Variants in ZNF710 observed in about 807,000 individuals in gnomAD.
The protein encoded by ZNF710 is zinc finger protein 710.
A neutral mutation model predicts 50.6 loss-of-function variants in ZNF710; 13 were observed. The ratio of observed to expected loss-of-function variants is 0.26; its 90% CI spans 0.17 to 0.41. The LOEUF (loss-of-function observed/expected upper bound fraction) is 0.41, where lower values mean the gene tolerates loss of function less well. Ranked by LOEUF, ZNF710 falls within the 10% of genes least tolerant of loss-of-function variation. The pLI is 1.00. For missense variants in ZNF710, 721 were observed against 936.6 expected, an observed-to-expected ratio of 0.77 and a Z score of 3.01; for synonymous variants, 383 against 397.0, an observed-to-expected ratio of 0.96 and a Z score of 0.42.
At position 90,070,369 on chromosome 15, in the gene ZNF710, GA is replaced by G. The variant is rs894552649; in HGVS notation, c.1458+1785del. Among the ~76,000 whole-genome samples, 866 of 136,198 alleles carry G rather than the reference GA, an allele frequency of 6.4e-3. 9 individuals are homozygous for G. Among genetic ancestry groups the G allele is most frequent in the African/African-American group, 0.02 (745 of 36,486 alleles). 89.4% of individuals were successfully genotyped at this position (136,198 alleles called of 152,430 possible). ...TAGCAAGACATTTTTTTTTTTTTAA[GA>G]AAAAAAAAAAGGAAGAATTCTGGGC... is the stretch of plus-strand genomic sequence containing the variant. On this transcript the variant is annotated intron_variant, in intron 2 of 4. Coordinates refer to ENST00000268154, the MANE Select transcript of ZNF710 (RefSeq NM_198526.4).
intron 1 of ZNF710, chr15:90,045,355 A>T: frequency 1.0e-6 from 1 of 985,454 alleles, no homozygotes; most frequent in Non-Finnish European, 1.2e-6. Context: ...GGCTTCAAGG[A>T]CGTGAGCCAT....
intron 1 of ZNF710, among the ~76,000 whole-genome samples, chr15:90,042,531 C>G (rs151335302): frequency 6.6e-6 from 1 of 152,238 alleles, no homozygotes; most frequent in African/African-American, 2.4e-5. Flanking sequence ...TCTTCCTCCA[C>G]TCAGCCTCTC....
intron 1 of ZNF710, among the ~76,000 whole-genome samples, chr15:90,055,623 A>T (rs997499459): frequency 1.3e-5 from 2 of 152,238 alleles, no homozygotes; most frequent in Non-Finnish European, 2.9e-5. Flanking sequence ...TGCTAGGGCA[A>T]GGGACAGCTG....
chr15:90,069,805 C>T (rs975284211), intron 2 of ZNF710, among the ~76,000 whole-genome samples: 4 of 152,106 alleles, frequency 2.6e-5, no homozygotes, highest in Non-Finnish European at 5.9e-5. Context: ...AGCCTTGACC[C>T]GTACTCCCCT....
Position 90,059,363 on chromosome 15 carries a change from G to A in ZNF710, c.-28-7747G>A, listed in dbSNP as rs554658638. Among the ~76,000 whole-genome samples the A allele has an allele frequency of 1.3e-5, 2 of 152,232 alleles. No homozygotes were observed. Among genetic ancestry groups the A allele is most frequent in the Non-Finnish European group, 2.9e-5 (2 of 68,034 alleles). On this transcript the variant is annotated intron_variant, in intron 1 of 4. Transcript: ENST00000268154. This position sits in a 1 kb window ranked among gnomAD's most constrained non-coding sequence, Gnocchi z 4.1. ...AAAAGGCTGTGGGGGCTGCGGGGCC[G>A]GAGACCTGCATTCTAGCCCTTGCTC...
At chr15:90,018,170 CTTTTTT>C (rs5814406) in intron 1 of ZNF710, among the ~76,000 whole-genome samples, 8 of 128,394 alleles carry the variant, frequency 6.2e-5, no homozygotes, top group African/African-American at 2.3e-4. Flanking sequence ...TTTCTTTTTT[CTTTTTT>C]TTTTTTTTTT....
At chr15:90,035,059 C>T (rs1899078395) in intron 1 of ZNF710, among the ~76,000 whole-genome samples, 1 of 152,112 alleles carries the variant, frequency 6.6e-6, no homozygotes, top group South Asian at 2.1e-4. Flanking sequence ...ATTTTGGATC[C>T]CTTGAGTGAA....
intron 1 of ZNF710, among the ~76,000 whole-genome samples, chr15:90,049,934 C>A (rs1899586863): frequency 6.6e-6 from 1 of 152,222 alleles, no homozygotes; most frequent in Non-Finnish European, 1.5e-5. Context: ...AGGCTTCCAC[C>A]CCTTGCATAG....
At position 90,040,551 on chromosome 15, in the gene ZNF710, C is replaced by A. The variant is rs1173873232; in HGVS notation, c.-28-26559C>A. Among the ~76,000 whole-genome samples the A allele has an allele frequency of 6.6e-6, 1 of 152,204 alleles. No individual in the cohort carries two copies. The highest frequency in any genetic ancestry group is 2.4e-5 in the African/African-American group (1 of 41,444). ...AATGCTCCGGGAGTTCACAGTGATC[C>A]CGATTTGACTTCACAGTGACTCCTT... On this transcript the variant is annotated intron_variant, in intron 1 of 4. Transcript: ENST00000268154. This position sits in a 1 kb window ranked among gnomAD's most constrained non-coding sequence, Gnocchi z 4.6.
chr15:90,066,234 G>A (rs1362100371), intron 1 of ZNF710, among the ~76,000 whole-genome samples: 1 of 152,044 alleles, frequency 6.6e-6, no homozygotes, highest in African/African-American at 2.4e-5. Flanking sequence ...TTTTTATATT[G>A]TGTTTCTGCC....
intron 1 of ZNF710, among the ~76,000 whole-genome samples, chr15:90,023,122 C>G (rs1008777295): frequency 6.6e-6 from 1 of 152,146 alleles, no homozygotes; most frequent in Admixed American, 6.5e-5. Flanking sequence ...ATGAAGGTGG[C>G]TGCTTTCCCA....
chr15:90,068,672 G>C lies in ZNF710; in HGVS notation c.1458+77G>C, dbSNP rs1053516662. The C allele has an allele frequency of 2.0e-6, 3 of 1,478,388 alleles. No homozygotes were observed. In the African/African-American group the frequency reaches 4.2e-5, roughly 21 times the overall value. The allele number at this position is 1,478,388 out of a possible 1,614,324, so 91.6% of individuals were successfully genotyped here. On this transcript the variant is annotated intron_variant, in intron 2 of 4. Transcript: ENST00000268154. This position sits in a 1 kb window ranked among gnomAD's most constrained non-coding sequence, Gnocchi z 5.0. The stretch of plus-strand genomic sequence containing the variant: ...TCATCCAGTACTTTCCAAAGTCCCA[G>C]ATGGGACCATTTAGGTGGTCTCCTA...
chr15:90,073,299 C>T (rs539983763), intron 3 of ZNF710, 37 bp downstream of exon 3: 127 of 1,593,376 alleles, frequency 8.0e-5, no homozygotes, highest in East Asian at 1.3e-4. Flanking sequence ...GGGACCTCCC[C>T]GAGGGTGGTC....
intron 1 of ZNF710, among the ~76,000 whole-genome samples, chr15:90,047,175 C>T (rs117457460): frequency 0.04 from 6,098 of 152,030 alleles, 200 homozygotes; most frequent in Middle Eastern, 0.099. Context: ...CCCCAGTTTC[C>T]CAGGTGGCAG....
chr15:90,029,703 C>T (rs920369544), intron 1 of ZNF710, among the ~76,000 whole-genome samples: 4 of 152,098 alleles, frequency 2.6e-5, no homozygotes, highest in South Asian at 2.1e-4. Context: ...ACAACCTCCA[C>T]CTCCGGGTTC....
chr15:90,063,481 C>T lies in ZNF710; in HGVS notation c.-28-3629C>T, dbSNP rs1323490134. Among the ~76,000 whole-genome samples the T allele has an allele frequency of 4.6e-5, 7 of 152,232 alleles. No homozygotes were observed. The South Asian group carries it at 8.3e-4, about 18-fold the overall frequency. On this transcript the variant is annotated intron_variant, in intron 1 of 4. Coordinates refer to ENST00000268154, the MANE Select transcript of ZNF710 (RefSeq NM_198526.4). ...TGTTTGTCGTCAGTTGTTGGCAGCT[C>T]TCTGTGCCCCTGCCCTGCCCCCACT...
chr15:90,067,110 C>T lies in ZNF710; in HGVS notation c.-28C>T, dbSNP rs948113937. The T allele has an allele frequency of 9.0e-6, 14 of 1,561,854 alleles. No individual in the cohort carries two copies. In the South Asian group the frequency reaches 9.5e-5, roughly 11 times the overall value. On this transcript the variant is annotated splice_region_variant and 5_prime_UTR_variant, in exon 2 of 5. Transcript: ENST00000268154. The surrounding 1 kb of genome is among the most constrained non-coding windows in gnomAD (Gnocchi z 8.1). Reference sequence around the variant, plus strand: ...TTAACCTTCCCTTCTCCACCCACAGCGATGCCCTCCTAGCTAGCCGTCACG... The same window carrying T: ...TTAACCTTCCCTTCTCCACCCACAGTGATGCCCTCCTAGCTAGCCGTCACG...
chr15:90,048,271 C>G (rs1294016947), intron 1 of ZNF710, among the ~76,000 whole-genome samples: 1 of 152,254 alleles, frequency 6.6e-6, no homozygotes, highest in Non-Finnish European at 1.5e-5. Context: ...CAGGCCTGCT[C>G]ATTCTCTTGC....
intron 1 of ZNF710, among the ~76,000 whole-genome samples, chr15:90,030,786 G>A (rs1898917736): frequency 6.6e-6 from 1 of 152,052 alleles, no homozygotes; most frequent in African/African-American, 2.4e-5. Flanking sequence ...GGAGGCCGAG[G>A]CAGGCAGATC....
Sources: gnomAD v4.1 joint callset for allele counts (sites outside exome capture counted in the v4.1 genomes callset) on GRCh38, gnomAD v4.1.1 for gene constraint, Gnocchi (gnomAD v3.1) non-coding constraint, MANE v1.5 for transcripts, NCBI Gene and HGNC (gene_info 2026-07-23, HGNC 2026-07-21) for gene names.